ZNF514: variants seen among roughly 807,000 people sequenced by gnomAD.
ZNF514 encodes zinc finger protein 514.
ZNF514 carries 12 observed loss-of-function variants against 9.7 expected under a neutral mutation model. The ratio of observed to expected loss-of-function variants is 1.24; its 90% CI spans 0.79 to 2.01. The LOEUF is 2.01. Among genes scored for constraint, ZNF514 ranks in the 30% most tolerant of loss-of-function variants. ZNF514 has a pLI of 0.00. For missense variants in ZNF514, 467 were observed against 465.5 expected (o/e 1.00, Z -0.03); for synonymous variants, 158 against 163.7 (o/e 0.97, Z 0.27).
chr2:95,127,039 A>G, the ZNF514 span, among the ~76,000 whole-genome samples: 1 of 152,168 alleles, frequency 6.6e-6, no homozygotes, highest in Admixed American at 6.5e-5. Flanking sequence ...GTCTCCAGGA[A>G]TTGGTGTCAG....
At chr2:95,156,157 A>AG (rs1272602834) in intron 2 of ZNF514, among the ~76,000 whole-genome samples, 1 of 152,218 alleles carries the variant, frequency 6.6e-6, no homozygotes, top group African/African-American at 2.4e-5. Context: ...ATTCCTTACT[A>AG]GGGGGGTTCC....
intron 2 of ZNF514, among the ~76,000 whole-genome samples, chr2:95,156,011 T>G (rs1369210563): frequency 6.6e-6 from 1 of 152,160 alleles, no homozygotes; most frequent in Non-Finnish European, 1.5e-5. Flanking sequence ...AGAAAGGCAC[T>G]CTTTCTAACT....
At chr2:95,143,638 T>A (rs1673296753), downstream of ZNF514, among the ~76,000 whole-genome samples, 1 of 152,012 alleles carries the variant, frequency 6.6e-6, no homozygotes, top group Non-Finnish European at 1.5e-5. Context: ...ATAAATAAAA[T>A]AAAAATAAAG....
chr2:95,152,044 C>T (rs1238608269), intron 4 of ZNF514, among the ~76,000 whole-genome samples: 2 of 152,162 alleles, frequency 1.3e-5, no homozygotes, highest in African/African-American at 2.4e-5. Flanking sequence ...TGTCACGTGC[C>T]TCCAGTGTGC....
At chr2:95,143,875 T>C (rs1673303877), downstream of ZNF514, among the ~76,000 whole-genome samples, 1 of 152,224 alleles carries the variant, frequency 6.6e-6, no homozygotes, top group African/African-American at 2.4e-5. Context: ...GTTAAATAAA[T>C]TAAAGTAGAA....
chr2:95,123,345 C>T, the ZNF514 span, among the ~76,000 whole-genome samples: 1 of 152,184 alleles, frequency 6.6e-6, no homozygotes, highest in African/African-American at 2.4e-5. Flanking sequence ...AAGTACTGAC[C>T]ATCCAGCCAA....
At chr2:95,128,663 TAAGG>T in the ZNF514 span, among the ~76,000 whole-genome samples, 1 of 116,690 alleles carries the variant, frequency 8.6e-6, no homozygotes, top group Admixed American at 9.2e-5. Flanking sequence ...GGAGGAGGAA[TAAGG>T]AAGAAGAAGT....
At chr2:95,159,102 C>G in intron 1 of ZNF514, 138 bp downstream of exon 1, 1 of 1,070,642 alleles carries the variant, frequency 9.3e-7, no homozygotes, top group Non-Finnish European at 1.2e-6. Flanking sequence ...GCCTGGGGGA[C>G]ACGGGGCATC....
chr2:95,138,741 A>G, the ZNF514 span, among the ~76,000 whole-genome samples: 5 of 152,244 alleles, frequency 3.3e-5, no homozygotes, highest in African/African-American at 1.2e-4. Flanking sequence ...CTGGGAGAGG[A>G]ATTCAAGCAG....
chr2:95,130,172 C>T, the ZNF514 span, among the ~76,000 whole-genome samples: 1 of 151,954 alleles, frequency 6.6e-6, no homozygotes, highest in African/African-American at 2.4e-5. Context: ...TGATGCCCCA[C>T]AAGCCACAAA....
In ZNF514 at chr2:95,149,398, A is replaced by C; in HGVS notation, c.1087T>G (p.Tyr363Asp). The change falls in exon 5 of 5, where the codon TAC becomes GAC. Residue 363 changes from tyrosine (Y) to aspartate (D), a missense_variant. Tyr to Asp is a radical substitution (Grantham distance 160). Transcript: ENST00000295208. The stretch of plus-strand genomic sequence containing the variant: ...GGTTTCTCTCCAGTGTGAAATCTGT[A>C]ATGTTGAGTGAGAGATGAACTCTGG... ...FSQSSSLTQH[Y>D]RFHTGEKPYK... is the part of the protein sequence containing the mutation. 1.2e-6 allele frequency: 2 copies of C among 1,614,048 alleles called. No homozygotes were observed. The highest frequency in any genetic ancestry group is 1.3e-5 in the African/African-American group (1 of 75,012).
intron 2 of ZNF514, chr2:95,155,237 C>T (rs992876708): frequency 2.0e-5 from 3 of 152,202 alleles, no homozygotes; most frequent in Non-Finnish European, 4.4e-5. Flanking sequence ...GGTATCAAAA[C>T]GAAGGAACTT....
chr2:95,155,878 T>C (rs1673674888), intron 2 of ZNF514, among the ~76,000 whole-genome samples: 2 of 152,194 alleles, frequency 1.3e-5, no homozygotes, highest in African/African-American at 4.8e-5. Context: ...CACACTGCTC[T>C]TTCCCTCTGA....
At chr2:95,157,235 G>A in intron 2 of ZNF514, 116 bp downstream of exon 2, 1 of 564,916 alleles carries the variant, frequency 1.8e-6, no homozygotes, top group Non-Finnish European at 2.9e-6. Flanking sequence ...TCAGCCTCCT[G>A]CAGAGACAGC....
In ZNF514 at chr2:95,145,917, C is replaced by A. The variant is rs1359385326; in HGVS notation, c.*3365G>T. Among the ~76,000 whole-genome samples the A allele has an allele frequency of 6.6e-6, 1 of 152,218 alleles. No individual in the cohort carries two copies. Among genetic ancestry groups the A allele is most frequent in the South Asian group, 2.1e-4 (1 of 4,828 alleles). Reference sequence around the variant, plus strand: ...CGTGTTTGGTAATGTCCTCTTTAGGCTGCCCCAACCTGCTGCTGCTCCTGA... The same window carrying A: ...CGTGTTTGGTAATGTCCTCTTTAGGATGCCCCAACCTGCTGCTGCTCCTGA... On this transcript the variant is annotated 3_prime_UTR_variant, in exon 5 of 5. Transcript: ENST00000295208.
chr2:95,159,263 A>T lies in ZNF514; in HGVS notation c.-119T>A, dbSNP rs1319482401. 2.2e-5 allele frequency: 4 copies of T among 184,726 alleles called. No homozygotes were observed. The East Asian group carries it at 6.5e-4, about 30-fold the overall frequency. The allele number at this position is 184,726 out of a possible 1,614,324, so 11.4% of individuals were successfully genotyped here. A position where few individuals can be genotyped will look rare whatever the true frequency, so the allele number is the denominator to read the frequency against. ...ACCCCCGGCTCGGCTCCTCCTCAGG[A>T]CCAGGCTCTGGAACCCAGCTCCCAC... On this transcript the variant is annotated 5_prime_UTR_variant, in exon 1 of 5. Coordinates refer to ENST00000295208, the MANE Select transcript of ZNF514 (RefSeq NM_032788.3).
At chr2:95,135,332 A>T in the ZNF514 span, among the ~76,000 whole-genome samples, 1 of 150,396 alleles carries the variant, frequency 6.6e-6, no homozygotes, top group Admixed American at 6.6e-5. Flanking sequence ...ATTCCTAAGT[A>T]TTTTATACTT....
At chr2:95,129,705 G>T in the ZNF514 span, among the ~76,000 whole-genome samples, 1 of 152,200 alleles carries the variant, frequency 6.6e-6, no homozygotes, top group East Asian at 1.9e-4. Context: ...AAGATCTGAG[G>T]CTACCACCCC....
chr2:95,124,603 C>T, the ZNF514 span, among the ~76,000 whole-genome samples: 1 of 151,722 alleles, frequency 6.6e-6, no homozygotes, highest in African/African-American at 2.4e-5. Flanking sequence ...TGGGTTCAGG[C>T]GATTCTCGTG....
Sources: allele counts gnomAD v4.1 joint callset (sites outside exome capture counted in the v4.1 genomes callset), GRCh38; gene constraint gnomAD v4.1.1; transcripts MANE v1.5; gene names NCBI Gene and HGNC (gene_info 2026-07-23, HGNC 2026-07-21).